Variants in COL22A1 observed in about 807,000 individuals in gnomAD.
COL22A1 encodes collagen alpha-1(XXII) chain.
In COL22A1, 221 loss-of-function variants were observed where a neutral mutation model predicts 248.9. That is an observed-to-expected ratio of 0.89 (90% CI 0.80 to 0.99). The LOEUF is 0.99. Ranked by LOEUF, COL22A1 falls within the 50% of genes least tolerant of loss-of-function variation. The pLI is 0.00. For synonymous variants in COL22A1, 891 were observed against 793.4 expected, an observed-to-expected ratio of 1.12 and a Z score of -2.07; for missense variants, 2,240 against 2,179.0, an observed-to-expected ratio of 1.03 and a Z score of -0.56.
At chr8:138,642,839 A>T (rs920585560) in intron 47 of COL22A1, among the ~76,000 whole-genome samples, 6 of 151,890 alleles carry the variant, frequency 4.0e-5, no homozygotes, top group Non-Finnish European at 8.8e-5. Context: ...GACCAGCCTG[A>T]CCAACATGGT....
intron 16 of COL22A1, among the ~76,000 whole-genome samples, chr8:138,774,742 C>A (rs945016536): frequency 1.3e-5 from 2 of 152,164 alleles, no homozygotes; most frequent in Non-Finnish European, 2.9e-5. Context: ...AAGTGAAAAA[C>A]TGGAAACAAT....
chr8:138,608,822 G>A (rs955426534), intron 56 of COL22A1, among the ~76,000 whole-genome samples: 2 of 152,046 alleles, frequency 1.3e-5, no homozygotes, highest in African/African-American at 4.8e-5. Context: ...GTTGGCTGCT[G>A]TGTCTTTACC....
intron 27 of COL22A1, 120 bp downstream of exon 27, chr8:138,720,619 C>G (rs1829799429): frequency 1.2e-6 from 1 of 829,420 alleles, no homozygotes; most frequent in South Asian, 1.4e-5. Flanking sequence ...TCTGATGTGT[C>G]TCCTGCCAGG....
chr8:138,718,635 T>G (rs1174537327), intron 27 of COL22A1, among the ~76,000 whole-genome samples: 1 of 152,234 alleles, frequency 6.6e-6, no homozygotes, highest in Non-Finnish European at 1.5e-5. Flanking sequence ...ATTTTTATCT[T>G]CAGTTGATGC....
chr8:138,755,975 T>A, intron 18 of COL22A1, 146 bp from the exon 19 acceptor site: 1 of 671,052 alleles, frequency 1.5e-6, no homozygotes, highest in South Asian at 1.8e-5. Flanking sequence ...TGCCCGAGCC[T>A]GCTGTCTTCT....
At chr8:138,848,407 C>G (rs1055052101) in intron 3 of COL22A1, among the ~76,000 whole-genome samples, 1 of 152,158 alleles carries the variant, frequency 6.6e-6, no homozygotes, top group African/African-American at 2.4e-5. Context: ...GAAAACACCA[C>G]GAATTTACTG....
intron 1 of COL22A1, among the ~76,000 whole-genome samples, chr8:138,913,317 G>A (rs1484297957): frequency 6.6e-6 from 1 of 151,976 alleles, no homozygotes; most frequent in Non-Finnish European, 1.5e-5. Flanking sequence ...GACTCTCGGC[G>A]GCCATCGCTG....
At chr8:138,794,753 T>C (rs565548449) in intron 12 of COL22A1, among the ~76,000 whole-genome samples, 44 of 152,284 alleles carry the variant, frequency 2.9e-4, no homozygotes, top group African/African-American at 1.0e-3. Context: ...ACTCTGTCAT[T>C]TTTGACAACA....
At chr8:138,673,515 G>A (rs536360202) in intron 41 of COL22A1, among the ~76,000 whole-genome samples, 8 of 152,174 alleles carry the variant, frequency 5.3e-5, no homozygotes, top group East Asian at 1.9e-4. Context: ...GGCCCCAGCC[G>A]GATCTATCCT....
In COL22A1 at chr8:138,877,633, T is replaced by C. The variant is rs1017862333; in HGVS notation, c.658+117A>G. ...TCCCCTCAGCCTCTGCACCTGCTAC[T>C]TCCCCCGCCTTCCTGGAGCCGGCCG... On this transcript the variant is annotated intron_variant, in intron 3 of 64. Coordinates refer to ENST00000303045, the MANE Select transcript of COL22A1 (RefSeq NM_152888.3). 8.3e-6 allele frequency: 9 copies of C among 1,090,342 alleles called. No individual in the cohort carries two copies. In the African/African-American group the frequency reaches 1.3e-4, roughly 16 times the overall value. 67.5% of individuals were successfully genotyped at this position (1,090,342 alleles called of 1,614,324 possible). A position where few individuals can be genotyped will look rare whatever the true frequency, so the allele number is the denominator to read the frequency against.
At chr8:138,874,356 T>C (rs1823554453) in intron 3 of COL22A1, among the ~76,000 whole-genome samples, 2 of 152,228 alleles carry the variant, frequency 1.3e-5, no homozygotes. Context: ...AGGGTTTCCC[T>C]TTCTCTTGGT....
intron 7 of COL22A1, among the ~76,000 whole-genome samples, 185 bp downstream of exon 7, chr8:138,820,951 G>C (rs984822126): frequency 6.6e-6 from 1 of 152,204 alleles, no homozygotes; most frequent in African/African-American, 2.4e-5. Context: ...TAATACATGG[G>C]TGATGGTGAA....
chr8:138,593,591 C>T (rs1817271005), intron 63 of COL22A1, among the ~76,000 whole-genome samples: 1 of 152,064 alleles, frequency 6.6e-6, no homozygotes, highest in Non-Finnish European at 1.5e-5. Context: ...GGCTGGAGCT[C>T]TGATGTCCTG....
rs1818427301 is a variant in COL22A1 at position 138,606,398 on chromosome 8, C to T, written c.4087G>A (p.Gly1363Ser). Residue 1363 changes from glycine to serine, a missense_variant, in exon 58 of 65, where the codon GGT becomes AGT. Transcript: ENST00000303045. ...CTGCTTACCGGAGGCCCACGGGGAC[C>T]CAGGAAGCCAGGAAGTCCTGGGCTG... ...NGSPGLPGFL[G>S]PRGPPGEPGE... 1 of 1,613,014 alleles carries T rather than the reference C, an allele frequency of 6.2e-7. No homozygotes were observed. The highest frequency in any genetic ancestry group is 8.5e-7 in the Non-Finnish European group (1 of 1,179,744).
chr8:138,873,991 C>T (rs1382841850), intron 3 of COL22A1, among the ~76,000 whole-genome samples: 1 of 152,158 alleles, frequency 6.6e-6, no homozygotes, highest in African/African-American at 2.4e-5. Flanking sequence ...CTGTGAAGTC[C>T]CCCACAGGCA....
intron 30 of COL22A1, among the ~76,000 whole-genome samples, chr8:138,712,799 G>A (rs145912941): frequency 8.2e-6 from 1 of 122,308 alleles, no homozygotes; most frequent in Non-Finnish European, 1.8e-5. Flanking sequence ...TAGAGGGTAT[G>A]TATTCTATCA....
At chr8:138,858,617 A>G (rs946260365) in intron 3 of COL22A1, among the ~76,000 whole-genome samples, 1 of 152,082 alleles carries the variant, frequency 6.6e-6, no homozygotes, top group Non-Finnish European at 1.5e-5. Context: ...TAGTCAGTCC[A>G]TTACCCTCCA....
At chr8:138,607,879 A>G in intron 57 of COL22A1, 57 bp downstream of exon 57, 1 of 1,499,764 alleles carries the variant, frequency 6.7e-7, no homozygotes, top group Non-Finnish European at 9.3e-7. Flanking sequence ...AATGTGATCC[A>G]CAAGCCCTTT....
chr8:138,687,832 G>A (rs190609430), intron 37 of COL22A1, among the ~76,000 whole-genome samples: 19 of 152,344 alleles, frequency 1.2e-4, no homozygotes, highest in Non-Finnish European at 2.1e-4. Flanking sequence ...CTTATAAGGG[G>A]AATGTCTCAT....
Sources: gnomAD v4.1 joint callset for allele counts (sites outside exome capture counted in the v4.1 genomes callset) on GRCh38, gnomAD v4.1.1 for gene constraint, MANE v1.5 for transcripts, NCBI Gene and HGNC (gene_info 2026-07-23, HGNC 2026-07-21) for gene names.